HDAC9: variants seen among roughly 807,000 people sequenced by gnomAD.
HDAC9 encodes the protein histone deacetylase 9.
Under a neutral mutation model 139.4 loss-of-function variants are expected in HDAC9, and 41 were observed. The observed-to-expected ratio is 0.29, with a 90% confidence interval of 0.23 to 0.38. HDAC9 has a LOEUF of 0.38. HDAC9 is among the 10% of genes least tolerant of loss of function. The pLI is 1.00. For synonymous variants in HDAC9, 517 were observed against 476.2 expected (o/e 1.09, Z -1.12); for missense variants, 1,147 against 1,297.0 (o/e 0.88, Z 1.78).
At chr7:18,947,487 A>G (rs534600601) in intron 23 of HDAC9, among the ~76,000 whole-genome samples, 1 of 152,106 alleles carries the variant, frequency 6.6e-6, no homozygotes, top group African/African-American at 2.4e-5. Flanking sequence ...AACATTTCAA[A>G]AACTTATGAA....
At chr7:18,525,319 T>C (rs959508024) in intron 2 of HDAC9, among the ~76,000 whole-genome samples, 2 of 152,136 alleles carry the variant, frequency 1.3e-5, no homozygotes, top group South Asian at 2.1e-4. Flanking sequence ...AAAATCTAAT[T>C]GCGTTAAATA....
intron 17 of HDAC9, among the ~76,000 whole-genome samples, chr7:18,810,394 G>C (rs1794082831): frequency 6.6e-6 from 1 of 151,786 alleles, no homozygotes; most frequent in Admixed American, 6.6e-5. Flanking sequence ...GGCACCTTTG[G>C]GGAAATATTC....
intron 25 of HDAC9, among the ~76,000 whole-genome samples, chr7:18,991,369 A>C (rs10247256): frequency 0.41 from 61,765 of 151,994 alleles, 13,364 homozygotes; most frequent in Non-Finnish European, 0.49. Flanking sequence ...GGCTGGGCAC[A>C]GTGGCTCATG....
chr7:18,269,500 C>T (rs767306608), intron 2 of HDAC9, among the ~76,000 whole-genome samples: 1 of 152,130 alleles, frequency 6.6e-6, no homozygotes, highest in South Asian at 2.1e-4. Flanking sequence ...GAAAAGAAGA[C>T]CTTCACCACT....
chr7:18,115,286 CTG>C (rs1783903245), intron 1 of HDAC9, among the ~76,000 whole-genome samples: 1 of 89,644 alleles, frequency 1.1e-5, no homozygotes, highest in Non-Finnish European at 2.7e-5. Flanking sequence ...GAGCGAGACT[CTG>C]TCTCAAAAAA....
chr7:18,564,068 C>T (rs997739813), intron 2 of HDAC9, among the ~76,000 whole-genome samples: 1 of 152,016 alleles, frequency 6.6e-6, no homozygotes, highest in African/African-American at 2.4e-5. Context: ...AGCTCCTGAC[C>T]TCATGATCCG....
At chr7:18,920,336 T>C (rs1463747405) in intron 22 of HDAC9, among the ~76,000 whole-genome samples, 2 of 152,184 alleles carry the variant, frequency 1.3e-5, no homozygotes, top group Admixed American at 6.5e-5. Context: ...TTTTTACACA[T>C]TGATTTTGTA....
At chr7:18,284,820 T>C (rs1420617165) in intron 2 of HDAC9, among the ~76,000 whole-genome samples, 1 of 152,138 alleles carries the variant, frequency 6.6e-6, no homozygotes, top group Admixed American at 6.6e-5. Context: ...CACTCACTCT[T>C]ACTGTTGTCC....
intron 21 of HDAC9, among the ~76,000 whole-genome samples, chr7:18,844,670 A>G (rs930722986): frequency 6.6e-6 from 1 of 152,224 alleles, no homozygotes; most frequent in African/African-American, 2.4e-5. Flanking sequence ...TTACTGGAAC[A>G]GAAGCCAAAA....
chr7:18,225,379 C>T (rs1281806390), intron 2 of HDAC9, among the ~76,000 whole-genome samples: 2 of 152,168 alleles, frequency 1.3e-5, no homozygotes, highest in South Asian at 4.1e-4. Flanking sequence ...CTGCTTATTG[C>T]ACATTTTGTT....
chr7:18,771,927 G>A (rs1790332240), intron 16 of HDAC9, among the ~76,000 whole-genome samples: 1 of 152,102 alleles, frequency 6.6e-6, no homozygotes, highest in Non-Finnish European at 1.5e-5. Flanking sequence ...CATCAGATAA[G>A]GCATGAAGGG....
chr7:18,159,695 C>T (rs924162944), intron 1 of HDAC9, among the ~76,000 whole-genome samples: 1 of 151,872 alleles, frequency 6.6e-6, no homozygotes, highest in Admixed American at 6.6e-5. Context: ...GCAGCTGTGG[C>T]AGTAATGATA....
chr7:18,746,573 TAGA>T (rs2129145370), intron 13 of HDAC9, among the ~76,000 whole-genome samples: 1 of 152,208 alleles, frequency 6.6e-6, no homozygotes, highest in South Asian at 2.1e-4. Flanking sequence ...AAATAAAAGG[TAGA>T]AGATTAAACA....
chr7:18,550,736 G>A (rs1816835922), intron 2 of HDAC9, among the ~76,000 whole-genome samples: 1 of 152,200 alleles, frequency 6.6e-6, no homozygotes, highest in Non-Finnish European at 1.5e-5. Flanking sequence ...GAGATGCCTG[G>A]AATGTTTAAG....
At chr7:18,426,609 C>A (rs1384065528) in intron 1 of HDAC9, among the ~76,000 whole-genome samples, 1 of 152,180 alleles carries the variant, frequency 6.6e-6, no homozygotes, top group Non-Finnish European at 1.5e-5. Flanking sequence ...ATGACTACCT[C>A]AGGCATCTAA....
intron 17 of HDAC9, among the ~76,000 whole-genome samples, chr7:18,826,222 G>T (rs372049496): frequency 6.6e-6 from 1 of 152,100 alleles, no homozygotes; most frequent in Non-Finnish European, 1.5e-5. Context: ...GTATTGTGGG[G>T]GTAGGTGCAG....
chr7:18,851,649 A>C (rs1176577171), intron 21 of HDAC9, among the ~76,000 whole-genome samples: 2 of 152,158 alleles, frequency 1.3e-5, no homozygotes, highest in African/African-American at 4.8e-5. Context: ...TTTAATTTTC[A>C]AAGAGTGGAC....
intron 1 of HDAC9, among the ~76,000 whole-genome samples, chr7:18,449,673 C>G (rs1202284265): frequency 1.3e-5 from 2 of 151,914 alleles, no homozygotes; most frequent in South Asian, 2.1e-4. Context: ...CCACCCTTCA[C>G]AAAAAATACT....
chr7:18,993,382 C>T (rs549881436), intron 25 of HDAC9, among the ~76,000 whole-genome samples: 4 of 152,176 alleles, frequency 2.6e-5, no homozygotes, highest in African/African-American at 9.7e-5. Flanking sequence ...GAGACACTGA[C>T]TGACTGATTC....
Sources: allele counts gnomAD v4.1 joint callset (sites outside exome capture counted in the v4.1 genomes callset), GRCh38; gene constraint gnomAD v4.1.1; transcripts MANE v1.5; gene names NCBI Gene and HGNC (gene_info 2026-07-23, HGNC 2026-07-21).